The following RASEF variants were observed in gnomAD, a reference collection of about 807,000 sequenced individuals.
RASEF encodes ras and EF-hand domain-containing protein.
A neutral mutation model predicts 90.1 loss-of-function variants in RASEF; 68 were observed. The ratio of observed to expected loss-of-function variants is 0.75; its 90% CI spans 0.62 to 0.92. The LOEUF (loss-of-function observed/expected upper bound fraction) is 0.92. RASEF is among the 40% of genes least tolerant of loss of function. The pLI, the probability that RASEF is intolerant of heterozygous loss-of-function variation, is 0.00. For synonymous variants in RASEF, 331 were observed against 345.2 expected, an observed-to-expected ratio of 0.96 and a Z score of 0.46; for missense variants, 949 against 937.2, an observed-to-expected ratio of 1.01 and a Z score of -0.16.
At chr9:83,196,353 T>C in the RASEF span, among the ~76,000 whole-genome samples, 1 of 152,100 alleles carries the variant, frequency 6.6e-6, no homozygotes. Flanking sequence ...TGGGCTGTCA[T>C]GTAGGTCTTA....
intron 2 of RASEF, among the ~76,000 whole-genome samples, chr9:83,023,734 C>T (rs17085962): frequency 0.041 from 6,259 of 152,188 alleles, 253 homozygotes; most frequent in African/African-American, 0.11. Context: ...CAATGTCTGG[C>T]GGTTTTTTGG....
At chr9:82,998,106 C>T (rs146938081) in intron 13 of RASEF, among the ~76,000 whole-genome samples, 1 of 152,274 alleles carries the variant, frequency 6.6e-6, no homozygotes, top group African/African-American at 2.4e-5. Context: ...GCAAAGGGCA[C>T]TCTCTGTCTC....
At chr9:83,116,460 CT>C in the RASEF span, among the ~76,000 whole-genome samples, 1 of 151,992 alleles carries the variant, frequency 6.6e-6, no homozygotes, top group Non-Finnish European at 1.5e-5. Context: ...TGCTTTATAC[CT>C]TGGTTTAGGA....
At chr9:83,105,609 A>G in the RASEF span, among the ~76,000 whole-genome samples, 1 of 152,222 alleles carries the variant, frequency 6.6e-6, no homozygotes, top group South Asian at 2.1e-4. Flanking sequence ...TAGCAAATAC[A>G]CTAAGACAAA....
At position 83,005,621 on chromosome 9, in the gene RASEF, C is replaced by T. The variant is rs556042790; in HGVS notation, c.1029-121G>A. 1.2e-5 allele frequency: 9 copies of T among 725,202 alleles called. No homozygotes were observed. The South Asian group carries it at 1.5e-4, about 12-fold the overall frequency. 44.9% of individuals were successfully genotyped at this position (725,202 alleles called of 1,614,324 possible). ...TGGAATAGCTTATCATCTTCTGCAA[C>T]TTTCCACCACTTCCCTTCAAACCTC... On this transcript the variant is annotated intron_variant, in intron 7 of 16. Transcript: ENST00000376447.
the RASEF span, among the ~76,000 whole-genome samples, chr9:83,131,584 C>T: frequency 2.0e-5 from 3 of 152,280 alleles, no homozygotes; most frequent in Admixed American, 1.3e-4. Context: ...GGACTGATCT[C>T]GCTCGGCAAA....
chr9:83,210,473 G>C, the RASEF span, among the ~76,000 whole-genome samples: 1 of 152,224 alleles, frequency 6.6e-6, no homozygotes, highest in South Asian at 2.1e-4. Flanking sequence ...GGTCATGCAT[G>C]ATAAGGGCCC....
chr9:83,153,590 A>G, the RASEF span, among the ~76,000 whole-genome samples: 2 of 152,172 alleles, frequency 1.3e-5, no homozygotes, highest in African/African-American at 4.8e-5. Flanking sequence ...AAGTTACAGC[A>G]TTTCTTCTCC....
At chr9:83,047,524 C>T (rs1300383272) in intron 1 of RASEF, among the ~76,000 whole-genome samples, 1 of 152,168 alleles carries the variant, frequency 6.6e-6, no homozygotes, top group Non-Finnish European at 1.5e-5. Context: ...CAGCCAAGTA[C>T]TTCCAGCTTC....
intron 1 of RASEF, among the ~76,000 whole-genome samples, chr9:83,046,625 G>T (rs908520445): frequency 6.6e-6 from 1 of 152,202 alleles, no homozygotes. Flanking sequence ...CATGACACAG[G>T]AGTATCCTAA....
At chr9:83,025,698 T>C in intron 2 of RASEF, 77 bp downstream of exon 2, 1 of 1,411,604 alleles carries the variant, frequency 7.1e-7, no homozygotes, top group South Asian at 1.3e-5. Flanking sequence ...GACAATGCAG[T>C]TCAGTCCATT....
Position 83,062,498 on chromosome 9 carries a change from G to A in RASEF, c.370C>T (p.Pro124Ser). ...TGGAAATCCTGCCAAGCCCGGCCGG[G>A]ACTCGCCGGGCCGCACGAGGTGGCC... ...ALATSCGPAS[P>S]GRAWQDFQAR... Residue 124 changes from proline to serine, a missense_variant, in exon 1 of 17, where the codon CCC becomes TCC. Physicochemically the swap from Pro to Ser is moderately conservative, Grantham distance 74. Coordinates refer to ENST00000376447, the MANE Select transcript of RASEF (RefSeq NM_152573.4). The A allele has an allele frequency of 1.2e-6, 2 of 1,611,656 alleles. No individual in the cohort carries two copies. The highest frequency in any genetic ancestry group is 1.7e-6 in the Non-Finnish European group (2 of 1,179,302).
Position 83,015,996 on chromosome 9 carries a change from C to T in RASEF, c.670-96G>A, listed in dbSNP as rs577988766. Reference sequence around the variant, plus strand: ...AGAAACATTTTGTGTCAAATTAAGGCTGACTTCAGTTCTCCTACACAGGGA... The same window carrying T: ...AGAAACATTTTGTGTCAAATTAAGGTTGACTTCAGTTCTCCTACACAGGGA... On this transcript the variant is annotated intron_variant, in intron 3 of 16. Coordinates refer to ENST00000376447, the MANE Select transcript of RASEF (RefSeq NM_152573.4). 6.2e-5 allele frequency: 55 copies of T among 881,994 alleles called. No individual in the cohort carries two copies. The African/African-American group carries it at 7.1e-4, about 11-fold the overall frequency. 54.6% of individuals were successfully genotyped at this position (881,994 alleles called of 1,614,324 possible). A position where few individuals can be genotyped will look rare whatever the true frequency, so the allele number is the denominator to read the frequency against.
the RASEF span, among the ~76,000 whole-genome samples, chr9:83,150,795 T>C: frequency 6.6e-6 from 1 of 152,210 alleles, no homozygotes; most frequent in African/African-American, 2.4e-5. Context: ...ATTCTCATTG[T>C]TTATTTTGGA....
At chr9:83,023,383 T>C (rs1829478732) in intron 2 of RASEF, among the ~76,000 whole-genome samples, 2 of 152,200 alleles carry the variant, frequency 1.3e-5, no homozygotes, top group African/African-American at 2.4e-5. Flanking sequence ...ACAAATGACA[T>C]GCTATTAATA....
the RASEF span, among the ~76,000 whole-genome samples, chr9:83,156,971 T>C: frequency 6.6e-6 from 1 of 152,218 alleles, no homozygotes; most frequent in Non-Finnish European, 1.5e-5. Context: ...AGATGAAATA[T>C]AACTAGTGCT....
chr9:83,038,200 A>C (rs1229375749), intron 1 of RASEF, among the ~76,000 whole-genome samples: 1 of 152,150 alleles, frequency 6.6e-6, no homozygotes, highest in East Asian at 1.9e-4. Context: ...TGTTAAAGAA[A>C]GTATTTTGAA....
intron 1 of RASEF, among the ~76,000 whole-genome samples, chr9:83,045,830 C>A (rs1829918592): frequency 6.6e-6 from 1 of 152,140 alleles, no homozygotes; most frequent in Non-Finnish European, 1.5e-5. Flanking sequence ...AATGCAAGTC[C>A]ATTAACAGCT....
At chr9:83,134,412 A>T in the RASEF span, among the ~76,000 whole-genome samples, 1 of 110,700 alleles carries the variant, frequency 9.0e-6, no homozygotes, top group South Asian at 2.5e-4. Context: ...ACAATAGCGC[A>T]CACACACACA....
Sources: gnomAD v4.1 joint callset for allele counts (sites outside exome capture counted in the v4.1 genomes callset) on GRCh38, gnomAD v4.1.1 for gene constraint, MANE v1.5 for transcripts, NCBI Gene and HGNC (gene_info 2026-07-23, HGNC 2026-07-21) for gene names.